The following UGT1A3 variants were observed in gnomAD, a reference collection of about 807,000 sequenced individuals.
The protein encoded by UGT1A3 is UDP glucuronosyltransferase family 1 member A3.
A neutral mutation model predicts 41.0 loss-of-function variants in UGT1A3; 31 were observed. The ratio of observed to expected loss-of-function variants is 0.76; its 90% CI spans 0.57 to 1.02. The LOEUF (loss-of-function observed/expected upper bound fraction) is 1.02. Ranked by LOEUF, UGT1A3 falls within the 50% of genes least tolerant of loss-of-function variation. The probability of loss-of-function intolerance (pLI) is 0.00; values close to 1 mark genes in which losing one functional copy is unlikely to be tolerated. For missense variants in UGT1A3, 737 were observed against 671.0 expected, an observed-to-expected ratio of 1.10 and a Z score of -1.09; for synonymous variants, 262 against 257.6, an observed-to-expected ratio of 1.02 and a Z score of -0.17.
intron 2 of UGT1A3, among the ~76,000 whole-genome samples, 197 bp downstream of exon 2, chr2:233,767,362 A>G (rs916672959): frequency 6.6e-6 from 1 of 152,144 alleles, no homozygotes; most frequent in Non-Finnish European, 1.5e-5. Context: ...CAAATACTCT[A>G]TTAAACTATG....
chr2:233,753,553 C>A (rs768975399), intron 1 of UGT1A3: 9 of 152,144 alleles, frequency 5.9e-5, no homozygotes, highest in Non-Finnish European at 1.3e-4. Context: ...TCAGAGGTGA[C>A]CCTAGAAGAT....
At chr2:233,737,218 C>T (rs1437644428) in intron 1 of UGT1A3, among the ~76,000 whole-genome samples, 1 of 152,212 alleles carries the variant, frequency 6.6e-6, no homozygotes, top group African/African-American at 2.4e-5. Context: ...CTGTTCAGTT[C>T]CAGCTTCCTG....
intron 1 of UGT1A3, chr2:233,755,075 A>C (rs1312444555): frequency 7.5e-7 from 1 of 1,336,312 alleles, no homozygotes; most frequent in East Asian, 4.6e-5. Context: ...CATAGCGGTC[A>C]TAGATATCGC....
intron 1 of UGT1A3, among the ~76,000 whole-genome samples, chr2:233,766,604 C>T (rs1699199811): frequency 6.6e-6 from 1 of 152,174 alleles, no homozygotes; most frequent in Non-Finnish European, 1.5e-5. Flanking sequence ...AGGGACCACA[C>T]CCTCTTCTAC....
At chr2:233,730,481 T>A (rs1335220137) in intron 1 of UGT1A3, among the ~76,000 whole-genome samples, 1 of 152,146 alleles carries the variant, frequency 6.6e-6, no homozygotes, top group Non-Finnish European at 1.5e-5. Context: ...GGCACTCACA[T>A]GAAATAGAAG....
chr2:233,743,619 A>G, intron 1 of UGT1A3: 2 of 1,367,304 alleles, frequency 1.5e-6, no homozygotes, highest in African/African-American at 3.0e-5. Context: ...AACTCCCTGA[A>G]GACGTCGGCT....
intron 1 of UGT1A3, chr2:233,747,790 A>G (rs1394158635): frequency 2.0e-5 from 32 of 1,613,372 alleles, no homozygotes; most frequent in Non-Finnish European, 2.6e-5. Flanking sequence ...CCTTCCTCCT[A>G]TATTCCTAAG....
intron 4 of UGT1A3, 143 bp downstream of exon 4, chr2:233,768,582 CTTTTT>C: frequency 1.9e-3 from 1,917 of 1,027,810 alleles, no homozygotes; most frequent in East Asian, 5.4e-3. Flanking sequence ...TTTATTTCTT[CTTTTT>C]TTTTTTTTTT....
intron 1 of UGT1A3, among the ~76,000 whole-genome samples, chr2:233,731,055 A>C (rs1216603492): frequency 1.3e-5 from 2 of 152,192 alleles, no homozygotes; most frequent in East Asian, 1.9e-4. Flanking sequence ...AATGTGTATG[A>C]ACTTCCATGA....
chr2:233,736,062 G>T (rs1463600658), intron 1 of UGT1A3, among the ~76,000 whole-genome samples: 1 of 152,174 alleles, frequency 6.6e-6, no homozygotes, highest in East Asian at 1.9e-4. Flanking sequence ...GGCCTGCCTT[G>T]CTAGGTTTGG....
chr2:233,737,696 C>T (rs2078911570), intron 1 of UGT1A3, among the ~76,000 whole-genome samples: 1 of 152,160 alleles, frequency 6.6e-6, no homozygotes, highest in African/African-American at 2.4e-5. Context: ...GGTGCTGAAG[C>T]TTCCGTTCTC....
intron 1 of UGT1A3, among the ~76,000 whole-genome samples, chr2:233,757,570 G>C (rs1278180964): frequency 1.3e-5 from 1 of 75,608 alleles, no homozygotes; most frequent in African/African-American, 6.1e-5. Context: ...ATGTATATAT[G>C]ATATAGCTAT....
intron 1 of UGT1A3, among the ~76,000 whole-genome samples, chr2:233,732,141 T>C (rs532123817): frequency 6.6e-6 from 1 of 151,874 alleles, no homozygotes; most frequent in South Asian, 2.1e-4. Context: ...TGTTTGTTTG[T>C]TTTTTTTCTT....
intron 1 of UGT1A3, chr2:233,742,861 T>TAG (rs1692120681): frequency 6.2e-6 from 1 of 162,394 alleles, no homozygotes; most frequent in Admixed American, 5.8e-5. Context: ...TCAAATGATT[T>TAG]AGAGCAAACC....
chr2:233,760,536 C>T (rs2125985634), intron 1 of UGT1A3: 27 of 1,614,224 alleles, frequency 1.7e-5, no homozygotes, highest in Non-Finnish European at 2.3e-5. Flanking sequence ...CTGTGCCATT[C>T]CAAAGGGAGG....
At chr2:233,744,855 G>A (rs1452590480) in intron 1 of UGT1A3, among the ~76,000 whole-genome samples, 1 of 151,856 alleles carries the variant, frequency 6.6e-6, no homozygotes, top group Non-Finnish European at 1.5e-5. Flanking sequence ...GTAGTCCTTG[G>A]TATTCTGAAG....
chr2:233,741,869 C>T (rs992161093), intron 1 of UGT1A3: 4 of 151,862 alleles, frequency 2.6e-5, no homozygotes, highest in African/African-American at 7.3e-5. Flanking sequence ...CAAACCTTTC[C>T]TCAGAGGTGA....
Position 233,767,097 on chromosome 2 carries a change from A to G in UGT1A3, c.931A>G (p.Met311Val), listed in dbSNP as rs1699317728. ...HGIVVFSLGS[M>V]VSEIPEKKAM... The stretch of plus-strand genomic sequence containing the variant: ...AATTGTGGTTTTCTCTTTGGGATCA[A>G]TGGTCTCAGAAATTCCAGAGAAGAA... The change falls in exon 2 of 5, where the codon ATG becomes GTG. Residue 311 changes from methionine (M) to valine (V), a missense_variant. Transcript: ENST00000482026. 1 of 1,614,142 alleles carries G rather than the reference A, an allele frequency of 6.2e-7. No individual in the cohort carries two copies. Among genetic ancestry groups the G allele is most frequent in the Non-Finnish European group, 8.5e-7 (1 of 1,180,030 alleles).
chr2:233,745,312 T>A (rs1693068284), intron 1 of UGT1A3, among the ~76,000 whole-genome samples: 1 of 151,876 alleles, frequency 6.6e-6, no homozygotes, highest in South Asian at 2.1e-4. Flanking sequence ...AGTGATTATT[T>A]CCACTAGAAC....
Sources: gnomAD v4.1 joint callset for allele counts (sites outside exome capture counted in the v4.1 genomes callset) on GRCh38, gnomAD v4.1.1 for gene constraint, MANE v1.5 for transcripts, NCBI Gene and HGNC (gene_info 2026-07-23, HGNC 2026-07-21) for gene names.